Variants in SEMA6D observed in about 807,000 individuals in gnomAD.
SEMA6D encodes semaphorin 6D.
SEMA6D carries 35 observed loss-of-function variants against 106.6 expected under a neutral mutation model. The observed-to-expected ratio is 0.33, with a 90% CI of 0.25 to 0.44. The LOEUF is 0.44. Among genes scored for constraint, SEMA6D ranks in the 20% least tolerant of loss-of-function variants. The pLI, the probability that SEMA6D is intolerant of heterozygous loss-of-function variation, is 1.00. For synonymous variants in SEMA6D, 499 were observed against 487.7 expected (o/e 1.02, Z -0.31); for missense variants, 1,185 against 1,345.9 (o/e 0.88, Z 1.87).
intron 1 of SEMA6D, among the ~76,000 whole-genome samples, chr15:47,239,067 T>C (rs568898459): frequency 1.6e-4 from 24 of 152,184 alleles, no homozygotes; most frequent in Non-Finnish European, 3.1e-4. Flanking sequence ...TCTGTATTTA[T>C]AGCCACTCCC....
chr15:47,546,838 A>G (rs72733864), intron 3 of SEMA6D, among the ~76,000 whole-genome samples: 8,254 of 152,104 alleles, frequency 0.054, 254 homozygotes, highest in Middle Eastern at 0.075. Context: ...CTGTGCCCCT[A>G]AGACACAGTT....
At chr15:47,540,234 C>G (rs1028745454) in intron 3 of SEMA6D, among the ~76,000 whole-genome samples, 2 of 152,052 alleles carry the variant, frequency 1.3e-5, no homozygotes, top group Non-Finnish European at 2.9e-5. Flanking sequence ...AGCCATAATT[C>G]AGGGAATCCA....
At chr15:47,581,822 G>C (rs922228906) in intron 3 of SEMA6D, among the ~76,000 whole-genome samples, 8 of 152,166 alleles carry the variant, frequency 5.3e-5, no homozygotes, top group African/African-American at 1.9e-4. Flanking sequence ...TTACAGATGA[G>C]TATCTGAGGT....
rs542033908 is a variant in SEMA6D at position 47,304,588 on chromosome 15, A to G, written c.-238-107805A>G. On this transcript the variant is annotated intron_variant, in intron 1 of 19. Transcript: ENST00000558014. ...TAAAACTACTCCAGGTCTTGTCCGT[A>G]TTAGGAATGTCCCAAGATGATCCAA... Among the ~76,000 whole-genome samples, 362 of 152,284 alleles carry G rather than the reference A, an allele frequency of 2.4e-3. 1 individual carries two copies. The highest frequency in any genetic ancestry group is 4.0e-3 in the Non-Finnish European group (271 of 68,026).
chr15:47,318,345 C>A (rs1235116106), intron 1 of SEMA6D, among the ~76,000 whole-genome samples: 2 of 139,582 alleles, frequency 1.4e-5, no homozygotes, highest in Non-Finnish European at 1.6e-5. Context: ...TATACATGTG[C>A]CATGCTGGTG....
chr15:47,508,130 ACCC>A (rs1376849767), intron 3 of SEMA6D, among the ~76,000 whole-genome samples: 5 of 152,134 alleles, frequency 3.3e-5, no homozygotes, highest in Non-Finnish European at 7.4e-5. Flanking sequence ...CTACAAAGGT[ACCC>A]GCCTCAGGAC....
At chr15:47,696,054 A>G (rs898668337) in intron 4 of SEMA6D, among the ~76,000 whole-genome samples, 6 of 152,132 alleles carry the variant, frequency 3.9e-5, no homozygotes, top group South Asian at 2.1e-4. Flanking sequence ...TAGGAAATCT[A>G]TTATTTCCTT....
chr15:47,235,818 A>G (rs1003376914), intron 1 of SEMA6D, among the ~76,000 whole-genome samples: 6 of 152,008 alleles, frequency 3.9e-5, no homozygotes, highest in African/African-American at 1.2e-4. Flanking sequence ...ACAGTGTTCC[A>G]TGGGGTAACA....
At chr15:47,188,710 CTTTTT>C (rs1287689246) in intron 1 of SEMA6D, among the ~76,000 whole-genome samples, 1 of 151,924 alleles carries the variant, frequency 6.6e-6, no homozygotes, top group Non-Finnish European at 1.5e-5. Flanking sequence ...TTTTGTTTTT[CTTTTT>C]CAATTGTGGA....
At chr15:47,535,690 A>C (rs1226024636) in intron 3 of SEMA6D, among the ~76,000 whole-genome samples, 1 of 151,928 alleles carries the variant, frequency 6.6e-6, no homozygotes, top group African/African-American at 2.4e-5. Flanking sequence ...AAAAAAAATA[A>C]ATTAAGACAT....
chr15:47,374,797 A>G (rs2039394705), intron 1 of SEMA6D, among the ~76,000 whole-genome samples: 1 of 152,182 alleles, frequency 6.6e-6, no homozygotes, highest in African/African-American at 2.4e-5. Context: ...CTAAATCTCC[A>G]GGAACCAGAT....
intron 3 of SEMA6D, among the ~76,000 whole-genome samples, chr15:47,472,876 G>A (rs112321521): frequency 0.016 from 2,369 of 152,204 alleles, 45 homozygotes; most frequent in African/African-American, 0.036. Flanking sequence ...CTTTTGTTCT[G>A]TCAAGGACTA....
intron 1 of SEMA6D, among the ~76,000 whole-genome samples, chr15:47,273,986 A>C (rs2034683301): frequency 6.6e-6 from 1 of 152,120 alleles, no homozygotes; most frequent in Non-Finnish European, 1.5e-5. Context: ...CAGAAACTGA[A>C]ATGTACTGAC....
At chr15:47,219,914 C>T (rs1173909341) in intron 1 of SEMA6D, among the ~76,000 whole-genome samples, 1 of 152,186 alleles carries the variant, frequency 6.6e-6, no homozygotes, top group Non-Finnish European at 1.5e-5. Context: ...TGAGCTCTCA[C>T]ATGTCTAGGG....
rs141117119 is a variant in SEMA6D, at chr15:47,260,463, G to A, written c.-239+76045G>A. Among the ~76,000 whole-genome samples, 101 of 152,152 alleles carry A rather than the reference G, an allele frequency of 6.6e-4. 2 individuals are homozygous for A. Among genetic ancestry groups the A allele is most frequent in the Non-Finnish European group, 1.3e-3 (85 of 67,996 alleles). On this transcript the variant is annotated intron_variant, in intron 1 of 19. Transcript: ENST00000558014. ...CCTCTTGGTTTAGTTGGTGTACTGT[G>A]GACCCCACTGATCCATGCTAGTACT...
intron 1 of SEMA6D, among the ~76,000 whole-genome samples, chr15:47,197,648 C>T (rs1894450173): frequency 6.6e-6 from 1 of 151,938 alleles, no homozygotes; most frequent in African/African-American, 2.4e-5. Flanking sequence ...AAAAAAAATC[C>T]TAGCATTAAG....
At chr15:47,708,220 T>C (rs943125420) in intron 4 of SEMA6D, among the ~76,000 whole-genome samples, 1 of 152,184 alleles carries the variant, frequency 6.6e-6, no homozygotes, top group African/African-American at 2.4e-5. Flanking sequence ...ACATTCAAAC[T>C]CTAGCACATG....
chr15:47,325,535 G>A (rs570959091), intron 1 of SEMA6D, among the ~76,000 whole-genome samples: 39 of 152,330 alleles, frequency 2.6e-4, no homozygotes, highest in Admixed American at 2.4e-3. Context: ...GTAATGAACT[G>A]TGACAGAAAT....
At chr15:47,753,795 G>A (rs1035531545) in intron 1 of SEMA6D, among the ~76,000 whole-genome samples, 2 of 152,152 alleles carry the variant, frequency 1.3e-5, no homozygotes, top group Non-Finnish European at 2.9e-5. Flanking sequence ...CCAAAGGTCT[G>A]GAAGAGTCAT....
Sources: allele counts gnomAD v4.1 joint callset (sites outside exome capture counted in the v4.1 genomes callset), GRCh38; gene constraint gnomAD v4.1.1; transcripts MANE v1.5; gene names NCBI Gene and HGNC (gene_info 2026-07-23, HGNC 2026-07-21).